PCSK2: variants seen among roughly 807,000 people sequenced by gnomAD.
PCSK2 encodes proprotein convertase subtilisin/kexin type 2.
Under a neutral mutation model 69.7 loss-of-function variants are expected in PCSK2, and 14 were observed. The ratio of observed to expected loss-of-function variants is 0.20; its 90% confidence interval spans 0.13 to 0.31. The LOEUF (loss-of-function observed/expected upper bound fraction) is 0.31, where lower values mean the gene tolerates loss of function less well. PCSK2 is among the 10% of genes least tolerant of loss of function. The pLI, the probability that PCSK2 is intolerant of heterozygous loss-of-function variation, is 1.00. For missense variants in PCSK2, 544 were observed against 842.5 expected (o/e 0.65, Z 4.39); for synonymous variants, 307 against 320.7 (o/e 0.96, Z 0.46).
At chr20:17,314,988 G>T (rs1568599147) in intron 2 of PCSK2, among the ~76,000 whole-genome samples, 1 of 152,178 alleles carries the variant, frequency 6.6e-6, no homozygotes, top group Non-Finnish European at 1.5e-5. Context: ...TACAACACTG[G>T]ATATTAAATG....
intron 2 of PCSK2, among the ~76,000 whole-genome samples, chr20:17,347,619 G>A (rs927607172): frequency 5.3e-5 from 8 of 152,014 alleles, no homozygotes; most frequent in African/African-American, 1.7e-4. Context: ...GGGTGATGAC[G>A]ATGTGTCAGT....
chr20:17,239,393 G>T (rs1441908146), intron 1 of PCSK2, among the ~76,000 whole-genome samples: 1 of 151,898 alleles, frequency 6.6e-6, no homozygotes, highest in Non-Finnish European at 1.5e-5. Flanking sequence ...CTAAAATGTG[G>T]GAAGAAGGAT....
chr20:17,472,490 G>A (rs2269036), intron 11 of PCSK2, among the ~76,000 whole-genome samples: 18,889 of 152,274 alleles, frequency 0.12, 1,132 homozygotes, highest in East Asian at 0.15. Flanking sequence ...ACAAAAGCAG[G>A]CATCTTGGGC....
chr20:17,353,073 A>G (rs1259684596), intron 2 of PCSK2, among the ~76,000 whole-genome samples: 1 of 152,232 alleles, frequency 6.6e-6, no homozygotes, highest in African/African-American at 2.4e-5. Context: ...GCCAACAAAC[A>G]TATGAAAAAT....
At chr20:17,245,426 T>G (rs1350727160) in intron 1 of PCSK2, among the ~76,000 whole-genome samples, 1 of 152,224 alleles carries the variant, frequency 6.6e-6, no homozygotes, top group Admixed American at 6.5e-5. Flanking sequence ...GATATCTTGC[T>G]TGTGAAGATA....
intron 2 of PCSK2, among the ~76,000 whole-genome samples, chr20:17,327,140 T>C (rs1357684563): frequency 6.6e-6 from 1 of 152,232 alleles, no homozygotes; most frequent in Non-Finnish European, 1.5e-5. Context: ...CAAGATCATT[T>C]ATTTTTCAAA....
At chr20:17,318,480 C>T (rs555310988) in intron 2 of PCSK2, among the ~76,000 whole-genome samples, 74 of 152,286 alleles carry the variant, frequency 4.9e-4, no homozygotes, top group African/African-American at 1.6e-3. Context: ...ATTACCAGCC[C>T]CTGTTTCAAA....
intron 2 of PCSK2, among the ~76,000 whole-genome samples, chr20:17,314,987 G>A (rs1989633099): frequency 6.6e-6 from 1 of 152,172 alleles, no homozygotes; most frequent in Admixed American, 6.5e-5. Flanking sequence ...CTACAACACT[G>A]GATATTAAAT....
chr20:17,432,521 A>T (rs1176634891), intron 7 of PCSK2, among the ~76,000 whole-genome samples: 2 of 152,136 alleles, frequency 1.3e-5, no homozygotes, highest in East Asian at 3.8e-4. Flanking sequence ...AAATGCCTTT[A>T]TTCAAGTAAC....
chr20:17,259,361 A>G (rs991126016), intron 1 of PCSK2, among the ~76,000 whole-genome samples: 46 of 152,352 alleles, frequency 3.0e-4, no homozygotes, highest in African/African-American at 1.1e-3. Context: ...GTCTTCATCA[A>G]TGTGAAGACG....
chr20:17,317,873 G>T (rs1177615723), intron 2 of PCSK2, among the ~76,000 whole-genome samples: 1 of 152,204 alleles, frequency 6.6e-6, no homozygotes, highest in African/African-American at 2.4e-5. Flanking sequence ...ACGCAGGAAG[G>T]ACAATTATGG....
chr20:17,411,409 A>G (rs2031869742), intron 6 of PCSK2, among the ~76,000 whole-genome samples: 1 of 151,946 alleles, frequency 6.6e-6, no homozygotes. Flanking sequence ...TCCCACGCCC[A>G]TGGAGCTTTG....
intron 8 of PCSK2, among the ~76,000 whole-genome samples, chr20:17,451,742 A>T (rs1262934399): frequency 1.3e-5 from 2 of 152,090 alleles, no homozygotes; most frequent in Non-Finnish European, 2.9e-5. Flanking sequence ...GGTCACAATC[A>T]ATCTACCACA....
chr20:17,257,737 A>G (rs879293692), intron 1 of PCSK2, among the ~76,000 whole-genome samples: 3 of 152,158 alleles, frequency 2.0e-5, no homozygotes, highest in East Asian at 1.9e-4. Flanking sequence ...TCCTGTTTTT[A>G]AAGAGACATC....
intron 4 of PCSK2, 30 bp downstream of exon 4, chr20:17,360,670 G>T: frequency 7.6e-7 from 1 of 1,310,358 alleles, no homozygotes; most frequent in South Asian, 1.2e-5. Context: ...TGCCTCATTT[G>T]GAAATAAGCG....
intron 8 of PCSK2, among the ~76,000 whole-genome samples, chr20:17,438,045 C>T (rs1201369507): frequency 3.3e-5 from 5 of 151,800 alleles, no homozygotes; most frequent in African/African-American, 1.2e-4. Flanking sequence ...ACGTGGGACT[C>T]ACACCACAAG....
chr20:17,421,819 A>G (rs1451837334), intron 6 of PCSK2, among the ~76,000 whole-genome samples: 2 of 35,160 alleles, frequency 5.7e-5, no homozygotes, highest in Non-Finnish European at 1.7e-4. Flanking sequence ...AAAAAAAAAA[A>G]AAAAAAAAAA....
chr20:17,413,200 A>C (rs1018260606), intron 6 of PCSK2, among the ~76,000 whole-genome samples: 7 of 152,220 alleles, frequency 4.6e-5, no homozygotes, highest in African/African-American at 1.7e-4. Context: ...TTAAATGTAA[A>C]TGGGCTAAAT....
chr20:17,354,908 A>C (rs1374125029), intron 2 of PCSK2, among the ~76,000 whole-genome samples: 1 of 152,174 alleles, frequency 6.6e-6, no homozygotes, highest in Non-Finnish European at 1.5e-5. Flanking sequence ...GGGAAAAAAA[A>C]AAGTTTTCCA....
Sources: allele counts gnomAD v4.1 joint callset (sites outside exome capture counted in the v4.1 genomes callset), GRCh38; gene constraint gnomAD v4.1.1; transcripts MANE v1.5; gene names NCBI Gene and HGNC (gene_info 2026-07-23, HGNC 2026-07-21).